Variants in RIMS3 observed in about 807,000 individuals in gnomAD.
RIMS3 encodes the protein regulating synaptic membrane exocytosis protein 3.
A neutral mutation model predicts 29.2 loss-of-function variants in RIMS3; 15 were observed. That is an observed-to-expected ratio of 0.51 (90% confidence interval 0.34 to 0.79). The LOEUF is 0.79. Ranked by LOEUF, RIMS3 falls within the 30% of genes least tolerant of loss-of-function variation. RIMS3 has a pLI of 0.01. For synonymous variants in RIMS3, 161 were observed against 170.1 expected, an observed-to-expected ratio of 0.95 and a Z score of 0.41; for missense variants, 342 against 421.4, an observed-to-expected ratio of 0.81 and a Z score of 1.65.
intron 7 of RIMS3, among the ~76,000 whole-genome samples, chr1:40,627,774 T>G (rs941473090): frequency 6.6e-5 from 10 of 151,750 alleles, no homozygotes; most frequent in Admixed American, 3.9e-4. Context: ...GATAATTTTT[T>G]TTTTTTCATG....
chr1:40,634,956 C>CA (rs1033757625), intron 4 of RIMS3, among the ~76,000 whole-genome samples: 16 of 144,954 alleles, frequency 1.1e-4, no homozygotes, highest in Non-Finnish European at 2.0e-4. Flanking sequence ...AAAAAAAAAA[C>CA]AAAAAAAACA....
At chr1:40,646,709 T>A (rs1246206312) in intron 2 of RIMS3, among the ~76,000 whole-genome samples, 1 of 152,032 alleles carries the variant, frequency 6.6e-6, no homozygotes, top group Non-Finnish European at 1.5e-5. Flanking sequence ...TCCCCAGGAA[T>A]AAGCTTTGTG....
intron 4 of RIMS3, among the ~76,000 whole-genome samples, chr1:40,634,951 A>C (rs1004823756): frequency 5.3e-5 from 8 of 152,008 alleles, no homozygotes; most frequent in Non-Finnish European, 7.4e-5. Flanking sequence ...CAAAAAAAAA[A>C]AAAACAAAAA....
At chr1:40,691,601 C>T in the RIMS3 span, 1 of 363,900 alleles carries the variant, frequency 2.7e-6, no homozygotes, top group East Asian at 1.3e-4. Flanking sequence ...TGTCGTCGCC[C>T]CTTCCCAATT....
chr1:40,649,983 G>A (rs1646620318), intron 1 of RIMS3, among the ~76,000 whole-genome samples: 1 of 145,074 alleles, frequency 6.9e-6, no homozygotes, highest in Admixed American at 6.8e-5. Flanking sequence ...CATGGTCCCT[G>A]CAAGACCTAC....
chr1:40,641,206 C>T (rs1441178666), intron 3 of RIMS3, among the ~76,000 whole-genome samples: 1 of 152,126 alleles, frequency 6.6e-6, no homozygotes, highest in East Asian at 1.9e-4. Context: ...CTCCTGGGCT[C>T]AAGTGACCCT....
chr1:40,668,491 C>CGGGGGGGGGGGGGGGG (rs56114535), upstream of RIMS3, among the ~76,000 whole-genome samples: 2 of 51,612 alleles, frequency 3.9e-5, no homozygotes, highest in Admixed American at 2.9e-4. Flanking sequence ...GGGTTGTGGG[C>CGGGGGGGGGGGGGGGG]GGGGGGGGGG....
Position 40,642,912 on chromosome 1 carries a change from C to T in RIMS3, c.-31-956G>A, listed in dbSNP as rs544045953. Among the ~76,000 whole-genome samples, 14 of 149,718 alleles carry T rather than the reference C, an allele frequency of 9.4e-5. No individual in the cohort carries two copies. The South Asian group carries it at 3.0e-3, about 32-fold the overall frequency. On this transcript the variant is annotated intron_variant, in intron 2 of 7. Coordinates refer to ENST00000372684, the MANE Select transcript of RIMS3 (RefSeq NM_014747.3). ...CGGAGGTAGCAGTGAGCCGAGATCG[C>T]ACCATTGCACTCCAGCCTGGGTGAC...
chr1:40,622,034 G>A lies in RIMS3; in HGVS notation c.*4483C>T, dbSNP rs966212997. 4 of 152,704 alleles carry A rather than the reference G, an allele frequency of 2.6e-5. No homozygotes were observed. The highest frequency in any genetic ancestry group is 4.4e-5 in the Non-Finnish European group (3 of 68,106). 9.5% of individuals were successfully genotyped at this position (152,704 alleles called of 1,614,324 possible). On this transcript the variant is annotated 3_prime_UTR_variant, in exon 8 of 8. Coordinates refer to ENST00000372684, the MANE Select transcript of RIMS3 (RefSeq NM_014747.3). ...CTTCCCTCACAGGCACAGCCATGCTGGGCCCACACAAGCCCAAGCTCAGGG... is the reference window on the plus strand; with the variant it reads ...CTTCCCTCACAGGCACAGCCATGCTAGGCCCACACAAGCCCAAGCTCAGGG...
In RIMS3 at chr1:40,661,954, T is replaced by C. The variant is rs150781023; in HGVS notation, c.-207+3440A>G. ...AGGAGCTGGAGGGACTGGGACTGGC[T>C]GTCCTCCCTCCTGGGGCCAGCCACA... On this transcript the variant is annotated intron_variant, in intron 1 of 7. Coordinates refer to ENST00000372684, the MANE Select transcript of RIMS3 (RefSeq NM_014747.3). Among the ~76,000 whole-genome samples, 91 of 152,298 alleles carry C rather than the reference T, an allele frequency of 6.0e-4. 1 individual carries two copies. The highest frequency in any genetic ancestry group is 2.1e-3 in the African/African-American group (87 of 41,564).
rs544943606 is a variant in RIMS3 at position 40,654,726 on chromosome 1, T to C, written c.-206-6884A>G. 2.5e-4 allele frequency among the ~76,000 whole-genome samples: 38 copies of C among 151,978 alleles called. No homozygotes were observed. Among genetic ancestry groups the C allele is most frequent in the African/African-American group, 7.7e-4 (32 of 41,410 alleles). ...GAACTGCAGACATATCGCATGAAGA[T>C]ACATTCACCACAGACACACACACAC... is the stretch of plus-strand genomic sequence containing the variant. On this transcript the variant is annotated intron_variant, in intron 1 of 7. Transcript: ENST00000372684. The surrounding 1 kb of genome is among the most constrained non-coding windows in gnomAD (Gnocchi z 5.3).
intron 1 of RIMS3, among the ~76,000 whole-genome samples, chr1:40,660,622 C>T (rs953270008): frequency 1.3e-5 from 2 of 151,944 alleles, no homozygotes; most frequent in Admixed American, 6.6e-5. Context: ...TCAAGTGATC[C>T]GCCTGCCCCA....
intron 5 of RIMS3, among the ~76,000 whole-genome samples, chr1:40,632,841 T>G (rs150430207): frequency 1.7e-4 from 26 of 152,278 alleles, no homozygotes; most frequent in African/African-American, 5.8e-4. Flanking sequence ...AAGCATCTAA[T>G]AGGAGCTCAG....
rs1002397046 is a variant in RIMS3 at position 40,660,764 on chromosome 1, G to C, written c.-207+4630C>G. Among the ~76,000 whole-genome samples the C allele has an allele frequency of 2.6e-5, 4 of 152,210 alleles. No individual in the cohort carries two copies. The South Asian group carries it at 6.2e-4, about 24-fold the overall frequency. On this transcript the variant is annotated intron_variant, in intron 1 of 7. Coordinates refer to ENST00000372684, the MANE Select transcript of RIMS3 (RefSeq NM_014747.3). ...AGTAAACGAGATTACCCGGGAGGTA[G>C]GGAGGGAGGGGGCAAAAAGGTGGGA...
rs957537483 is a variant in RIMS3, at chr1:40,635,399, T to C, written c.359+517A>G. On this transcript the variant is annotated intron_variant, in intron 4 of 7. Transcript: ENST00000372684. This position sits in a 1 kb window ranked among gnomAD's most constrained non-coding sequence, Gnocchi z 4.1. Reference sequence around the variant, plus strand: ...ATTTATTCTTACTTCATAAGATATGTCTATTTCTTTTTCTAATGCTGGTTT... The same window carrying C: ...ATTTATTCTTACTTCATAAGATATGCCTATTTCTTTTTCTAATGCTGGTTT... Among the ~76,000 whole-genome samples the C allele has an allele frequency of 2.0e-5, 3 of 152,184 alleles. No individual in the cohort carries two copies. The highest frequency in any genetic ancestry group is 1.3e-4 in the Admixed American group (2 of 15,272).
At chr1:40,668,411 G>T (rs1230378285), upstream of RIMS3, among the ~76,000 whole-genome samples, 1 of 140,090 alleles carries the variant, frequency 7.1e-6, no homozygotes, top group Non-Finnish European at 1.5e-5. Context: ...AACAGAGCAA[G>T]ACCTTGTCTC....
At chr1:40,658,177 G>A (rs1052226763) in intron 1 of RIMS3, among the ~76,000 whole-genome samples, 1 of 152,102 alleles carries the variant, frequency 6.6e-6, no homozygotes, top group African/African-American at 2.4e-5. Context: ...AGATTTTCGT[G>A]GGGAAAAACT....
At chr1:40,663,021 C>T (rs1168051490) in intron 1 of RIMS3, among the ~76,000 whole-genome samples, 2 of 152,174 alleles carry the variant, frequency 1.3e-5, no homozygotes, top group African/African-American at 4.8e-5. Context: ...TTTCTAACCT[C>T]CGCCTTCAGT....
At chr1:40,647,616 A>AC (rs1408259233) in intron 2 of RIMS3, 52 bp downstream of exon 2, 2 of 152,044 alleles carry the variant, frequency 1.3e-5, no homozygotes, top group East Asian at 3.9e-4. Context: ...GTCTCACATC[A>AC]CCTATTGGGT....
Sources: gnomAD v4.1 joint callset for allele counts (sites outside exome capture counted in the v4.1 genomes callset) on GRCh38, gnomAD v4.1.1 for gene constraint, Gnocchi (gnomAD v3.1) non-coding constraint, MANE v1.5 for transcripts, NCBI Gene and HGNC (gene_info 2026-07-23, HGNC 2026-07-21) for gene names.